The following ADCY2 variants were observed in gnomAD, a reference collection of about 807,000 sequenced individuals.
ADCY2 encodes the protein adenylate cyclase 2.
ADCY2 carries 31 observed loss-of-function variants against 125.2 expected under a neutral mutation model. The observed-to-expected ratio is 0.25, with a 90% confidence interval of 0.19 to 0.33. ADCY2 has a LOEUF of 0.33. Ranked by LOEUF, ADCY2 falls within the 10% of genes least tolerant of loss-of-function variation. The pLI is 1.00. For missense variants in ADCY2, 904 were observed against 1,418.2 expected, an observed-to-expected ratio of 0.64 and a Z score of 5.82; for synonymous variants, 512 against 548.4, an observed-to-expected ratio of 0.93 and a Z score of 0.93.
intron 17 of ADCY2, among the ~76,000 whole-genome samples, chr5:7,768,873 C>T (rs994692819): frequency 6.6e-6 from 1 of 152,132 alleles, no homozygotes; most frequent in Admixed American, 6.5e-5. Flanking sequence ...GGACTGGCTG[C>T]CCAGAAACCA....
chr5:7,489,987 T>G (rs1743098718), intron 2 of ADCY2, among the ~76,000 whole-genome samples: 1 of 152,140 alleles, frequency 6.6e-6, no homozygotes, highest in Non-Finnish European at 1.5e-5. Context: ...TTGGTTGAAT[T>G]TTGAATACAG....
At chr5:7,646,288 G>C (rs1738892306) in intron 4 of ADCY2, among the ~76,000 whole-genome samples, 1 of 150,922 alleles carries the variant, frequency 6.6e-6, no homozygotes, top group Non-Finnish European at 1.5e-5. Context: ...TGAGGTAATG[G>C]ACATATTTTC....
chr5:7,779,391 T>G (rs1743842502), intron 18 of ADCY2, among the ~76,000 whole-genome samples: 1 of 152,192 alleles, frequency 6.6e-6, no homozygotes, highest in African/African-American at 2.4e-5. Context: ...GAATGTGCAG[T>G]GTTTCTAATC....
At chr5:7,598,518 G>T (rs561649425) in intron 3 of ADCY2, among the ~76,000 whole-genome samples, 1 of 152,174 alleles carries the variant, frequency 6.6e-6, no homozygotes, top group Admixed American at 6.5e-5. Context: ...AGAATTTTCT[G>T]TGGGGGGTTC....
chr5:7,453,937 C>T (rs754613017), intron 2 of ADCY2, among the ~76,000 whole-genome samples: 7 of 152,144 alleles, frequency 4.6e-5, no homozygotes, highest in African/African-American at 1.7e-4. Context: ...AGCCCACTCA[C>T]CCGACTCCTG....
intron 3 of ADCY2, among the ~76,000 whole-genome samples, chr5:7,610,340 G>A (rs973107744): frequency 1.1e-4 from 17 of 152,164 alleles, no homozygotes; most frequent in African/African-American, 3.9e-4. Flanking sequence ...TGATGCCAGG[G>A]CAGCTGAGGC....
At chr5:7,515,806 C>T (rs1172712264) in intron 2 of ADCY2, among the ~76,000 whole-genome samples, 2 of 152,130 alleles carry the variant, frequency 1.3e-5, no homozygotes, top group Admixed American at 6.5e-5. Flanking sequence ...ATGAGTGAAT[C>T]AAGTTCCTGG....
At chr5:7,401,659 C>T (rs1189567454) in intron 1 of ADCY2, among the ~76,000 whole-genome samples, 1 of 152,172 alleles carries the variant, frequency 6.6e-6, no homozygotes, top group African/African-American at 2.4e-5. Flanking sequence ...TCAAGTGGAG[C>T]CTCAAATGTG....
At chr5:7,466,341 T>C (rs979877084) in intron 2 of ADCY2, among the ~76,000 whole-genome samples, 1 of 152,218 alleles carries the variant, frequency 6.6e-6, no homozygotes, top group Non-Finnish European at 1.5e-5. Flanking sequence ...GCAACTAATA[T>C]CTATAGAGCA....
intron 1 of ADCY2, among the ~76,000 whole-genome samples, chr5:7,398,817 G>C (rs1347791091): frequency 6.6e-6 from 1 of 152,208 alleles, no homozygotes. Flanking sequence ...CCTGAGTCGG[G>C]ACTGGGATGA....
chr5:7,403,394 A>T (rs550687414), intron 1 of ADCY2, among the ~76,000 whole-genome samples: 3 of 152,222 alleles, frequency 2.0e-5, no homozygotes, highest in African/African-American at 7.2e-5. Flanking sequence ...ACTCTTTCCC[A>T]TCATTGACTT....
chr5:7,578,099 G>T (rs1736309935), intron 3 of ADCY2, among the ~76,000 whole-genome samples: 1 of 152,196 alleles, frequency 6.6e-6, no homozygotes, highest in African/African-American at 2.4e-5. Context: ...AAAGCCAACA[G>T]ACTGAAGGCT....
At chr5:7,462,190 A>G (rs1741940831) in intron 2 of ADCY2, among the ~76,000 whole-genome samples, 1 of 152,260 alleles carries the variant, frequency 6.6e-6, no homozygotes. Context: ...AATTAGCAAC[A>G]GCAGACGAAC....
chr5:7,499,682 T>C (rs1466799015), intron 2 of ADCY2, among the ~76,000 whole-genome samples: 6 of 128,032 alleles, frequency 4.7e-5, no homozygotes, highest in Admixed American at 1.6e-4. Flanking sequence ...TATATATATA[T>C]GTATATATAT....
At chr5:7,658,134 G>A (rs1366062218) in intron 4 of ADCY2, 1 of 152,186 alleles carries the variant, frequency 6.6e-6, no homozygotes, top group Non-Finnish European at 1.5e-5. Context: ...ACTGAACATG[G>A]AGATCTTCAG....
rs1260361274 is a variant in ADCY2, at chr5:7,396,290, G to C, written c.-7G>C. 1.2e-5 allele frequency: 15 copies of C among 1,239,982 alleles called. No individual in the cohort carries two copies. Among genetic ancestry groups the C allele is most frequent in the Middle Eastern group, 3.2e-4 (1 of 3,078 alleles). 76.8% of individuals were successfully genotyped at this position (1,239,982 alleles called of 1,614,324 possible). ...CGCGCACGGCGGGCGCCCTGTGAGC[G>C]GCCCCGATGTGGCAGGAGGCGATGC... On this transcript the variant is annotated 5_prime_UTR_variant, in exon 1 of 25. Transcript: ENST00000338316. The surrounding 1 kb of genome is among the most constrained non-coding windows in gnomAD (Gnocchi z 5.7).
At chr5:7,519,119 T>C (rs1378289953) in intron 2 of ADCY2, among the ~76,000 whole-genome samples, 1 of 152,188 alleles carries the variant, frequency 6.6e-6, no homozygotes, top group East Asian at 1.9e-4. Flanking sequence ...CTGTGCTCTT[T>C]TGTGTATGAC....
At chr5:7,641,077 G>T (rs1028489632) in intron 4 of ADCY2, among the ~76,000 whole-genome samples, 3 of 152,156 alleles carry the variant, frequency 2.0e-5, no homozygotes, top group Admixed American at 6.6e-5. Flanking sequence ...TGCCTTTCAA[G>T]GCAGGAGATT....
chr5:7,673,257 A>AT (rs1284363963), intron 4 of ADCY2, among the ~76,000 whole-genome samples: 2 of 11,966 alleles, frequency 1.7e-4, no homozygotes, highest in Non-Finnish European at 3.5e-4. Flanking sequence ...AAAAAAAAAA[A>AT]AAAAAAAAAA....
Sources: allele counts gnomAD v4.1 joint callset (sites outside exome capture counted in the v4.1 genomes callset), GRCh38; gene constraint gnomAD v4.1.1; non-coding constraint Gnocchi (gnomAD v3.1); transcripts MANE v1.5; gene names NCBI Gene and HGNC (gene_info 2026-07-23, HGNC 2026-07-21).